The following SPATA13 variants were observed in gnomAD, a reference collection of about 807,000 sequenced individuals.
SPATA13 encodes spermatogenesis associated 13.
SPATA13 carries 50 observed loss-of-function variants against 104.0 expected under a neutral mutation model. The observed-to-expected ratio is 0.48, with a 90% CI of 0.38 to 0.61. The LOEUF (loss-of-function observed/expected upper bound fraction) is 0.61. Ranked by LOEUF, SPATA13 falls within the 20% of genes least tolerant of loss-of-function variation. The pLI is 0.00. For missense variants in SPATA13, 1,524 were observed against 1,690.6 expected (o/e 0.90, Z 1.73); for synonymous variants, 606 against 667.5 (o/e 0.91, Z 1.42).
At position 24,028,299 on chromosome 13, in the gene SPATA13, G is replaced by T. The variant is rs143334169; in HGVS notation, c.-112+10598G>T. 2.4e-3 allele frequency among the ~76,000 whole-genome samples: 372 copies of T among 152,258 alleles called. 1 individual carries two copies. Among genetic ancestry groups the T allele is most frequent in the Non-Finnish European group, 4.4e-3 (301 of 68,026 alleles). On this transcript the variant is annotated intron_variant, in intron 3 of 14. Transcript: ENST00000424834. ...ACTCTTCCAAAAGTCTTTTAGAGAG[G>T]ATATCTTGTTGGTATACTGCTCCCA...
At chr13:24,198,149 C>G (rs1277426535) in intron 1 of SPATA13, among the ~76,000 whole-genome samples, 1 of 152,136 alleles carries the variant, frequency 6.6e-6, no homozygotes, top group Admixed American at 6.5e-5. Context: ...GCGCCCGCCA[C>G]CATGCCAGCT....
chr13:24,237,260 G>A (rs1872616918), intron 2 of SPATA13, among the ~76,000 whole-genome samples: 1 of 152,142 alleles, frequency 6.6e-6, no homozygotes, highest in Non-Finnish European at 1.5e-5. Flanking sequence ...AGGAGGTGGA[G>A]GCTGAGGCAG....
chr13:24,229,511 G>C lies in SPATA13; in HGVS notation c.1653+4929G>C, dbSNP rs780450353. 3.9e-4 allele frequency among the ~76,000 whole-genome samples: 60 copies of C among 152,098 alleles called. 2 individuals are homozygous for C. Among genetic ancestry groups the C allele is most frequent in the Non-Finnish European group, 5.9e-5 (4 of 68,020 alleles). ...ATTATGGATGTCAAACACTTAGCCC[G>C]CCCTTTGACACTGACTGCCCACTGT... is the stretch of plus-strand genomic sequence containing the variant. On this transcript the variant is annotated intron_variant, in intron 2 of 12. Coordinates refer to ENST00000382108, the MANE Select transcript of SPATA13 (RefSeq NM_001166271.3).
At chr13:24,216,843 G>A (rs1171595237) in intron 1 of SPATA13, among the ~76,000 whole-genome samples, 1 of 152,178 alleles carries the variant, frequency 6.6e-6, no homozygotes, top group Non-Finnish European at 1.5e-5. Flanking sequence ...TTGAGGTCAG[G>A]AGTTTGAGAC....
chr13:24,038,368 A>G (rs1167888338), intron 3 of SPATA13, among the ~76,000 whole-genome samples: 1 of 152,174 alleles, frequency 6.6e-6, no homozygotes, highest in East Asian at 1.9e-4. Context: ...TTCTATGTTT[A>G]CATTGGAGTC....
chr13:24,190,013 T>C (rs183617263), intron 1 of SPATA13, among the ~76,000 whole-genome samples: 11 of 31,748 alleles, frequency 3.5e-4, no homozygotes, highest in African/African-American at 1.2e-3. Context: ...AATATATTAT[T>C]ATATAACATA....
intron 3 of SPATA13, among the ~76,000 whole-genome samples, chr13:24,138,624 G>T (rs1198634130): frequency 6.6e-6 from 1 of 151,960 alleles, no homozygotes; most frequent in African/African-American, 2.4e-5. Context: ...CACTGTGTCA[G>T]CTAGGCTGGA....
At chr13:24,099,446 G>A (rs962011753) in intron 3 of SPATA13, among the ~76,000 whole-genome samples, 24 of 152,202 alleles carry the variant, frequency 1.6e-4, no homozygotes, top group Non-Finnish European at 1.0e-4. Context: ...ATTCCAAGTC[G>A]TCAGTGGCCA....
At chr13:24,149,860 G>C (rs961754653) in intron 3 of SPATA13, among the ~76,000 whole-genome samples, 8 of 152,212 alleles carry the variant, frequency 5.3e-5, no homozygotes, top group African/African-American at 1.9e-4. Context: ...ACAGGAGTTG[G>C]GGGTGTTTCA....
In SPATA13 at chr13:24,059,578, T is replaced by C. The variant is rs184411744; in HGVS notation, c.-112+41877T>C. Among the ~76,000 whole-genome samples the C allele has an allele frequency of 4.0e-3, 605 of 152,358 alleles. 8 individuals carry two copies. Among genetic ancestry groups the C allele is most frequent in the African/African-American group, 0.013 (542 of 41,590 alleles). The stretch of plus-strand genomic sequence containing the variant: ...AAAACATTTTGGAGAGGCTATTATA[T>C]GCTGAGGACAGATACTTTCATTTCC... On this transcript the variant is annotated intron_variant, in intron 3 of 14. Coordinates refer to the SPATA13 transcript ENST00000424834.
At chr13:24,134,796 A>G (rs753543506) in intron 3 of SPATA13, among the ~76,000 whole-genome samples, 36 of 152,196 alleles carry the variant, frequency 2.4e-4, no homozygotes, top group Admixed American at 7.2e-4. Context: ...ACTCGTTGTT[A>G]TGGACAGAAT....
chr13:24,061,355 C>A (rs1441985676), intron 3 of SPATA13, among the ~76,000 whole-genome samples: 2 of 152,166 alleles, frequency 1.3e-5, no homozygotes, highest in East Asian at 3.8e-4. Context: ...ACCCAATAAT[C>A]CCATTACTGG....
chr13:24,134,367 G>A (rs1177160351), intron 3 of SPATA13, among the ~76,000 whole-genome samples: 1 of 152,152 alleles, frequency 6.6e-6, no homozygotes, highest in African/African-American at 2.4e-5. Flanking sequence ...ATTCTGGTGC[G>A]CTGCTCAGGG....
rs1871815840 is a variant in SPATA13, at chr13:24,224,475, G to A, written c.1546G>A (p.Val516Met). ...EEPAQREPGP[V>M]SLQDPLEATH... is the part of the protein sequence containing the mutation. ...GCCTGCTCAGAGAGAGCCAGGGCCTGTGTCCTTGCAGGATCCCCTGGAAGC... is the reference window on the plus strand; with the variant it reads ...GCCTGCTCAGAGAGAGCCAGGGCCTATGTCCTTGCAGGATCCCCTGGAAGC... The change falls in exon 2 of 13, where the codon GTG becomes ATG. Residue 516 changes from valine to methionine, a missense_variant. Physicochemically the swap from Val to Met is conservative, Grantham distance 21. Transcript: ENST00000382108. 1 of 1,551,266 alleles carries A rather than the reference G, an allele frequency of 6.4e-7. No individual in the cohort carries two copies.
At chr13:24,035,194 G>A (rs1566080334) in intron 3 of SPATA13, among the ~76,000 whole-genome samples, 1 of 151,986 alleles carries the variant, frequency 6.6e-6, no homozygotes, top group African/African-American at 2.4e-5. Flanking sequence ...CACTCTTGTC[G>A]CCCAGGCTGG....
chr13:24,238,169 C>CTCTA (rs1230093767), intron 2 of SPATA13, among the ~76,000 whole-genome samples: 2 of 116,748 alleles, frequency 1.7e-5, no homozygotes, highest in African/African-American at 3.4e-5. Context: ...CAGACTCTTG[C>CTCTA]TCTATCTCCC....
At position 24,294,864 on chromosome 13, in the gene SPATA13, GGGA is replaced by G; in HGVS notation, c.3209_3210+1del. On this transcript the variant is annotated inframe_deletion and splice_region_variant, in exon 10 of 13. Transcript: ENST00000382108. ...CGCTGGCAGGTGTCTATCGTGGGCT[GGGA>G]GGTAAGTGGAAAGCACCCCACATGA... The G allele has an allele frequency of 6.2e-7, 1 of 1,606,180 alleles. No homozygotes were observed. Among genetic ancestry groups the G allele is most frequent in the Non-Finnish European group, 8.5e-7 (1 of 1,173,330 alleles).
intron 3 of SPATA13, among the ~76,000 whole-genome samples, chr13:24,112,765 CCTT>C (rs1414310944): frequency 5.9e-5 from 9 of 152,314 alleles, no homozygotes; most frequent in African/African-American, 1.9e-4. Context: ...GGGCACTCAT[CCTT>C]CTTCTGTAAG....
chr13:24,194,244 T>C (rs1869926670), intron 1 of SPATA13, among the ~76,000 whole-genome samples: 1 of 152,222 alleles, frequency 6.6e-6, no homozygotes, highest in Non-Finnish European at 1.5e-5. Flanking sequence ...GTTATTTAAA[T>C]GTGCAGCTAA....
Sources: allele counts gnomAD v4.1 joint callset (sites outside exome capture counted in the v4.1 genomes callset), GRCh38; gene constraint gnomAD v4.1.1; transcripts MANE v1.5; gene names NCBI Gene and HGNC (gene_info 2026-07-23, HGNC 2026-07-21).